Variants in METTL15 observed in about 807,000 individuals in gnomAD.
METTL15 encodes methyltransferase 15, mitochondrial 12S rRNA N4-cytidine.
In METTL15, 34 loss-of-function variants were observed where a neutral mutation model predicts 38.3. The ratio of observed to expected loss-of-function variants is 0.89; its 90% CI spans 0.68 to 1.18. METTL15 has a LOEUF of 1.18. METTL15 is among the 50% of genes most tolerant of loss of function. METTL15 has a pLI of 0.00. For synonymous variants in METTL15, 162 were observed against 170.9 expected (o/e 0.95, Z 0.41); for missense variants, 438 against 498.4 (o/e 0.88, Z 1.15).
chr11:28,513,978 G>A (rs1476101605), intron 6 of METTL15, among the ~76,000 whole-genome samples: 2 of 152,204 alleles, frequency 1.3e-5, no homozygotes, highest in African/African-American at 4.8e-5. Context: ...CCAGTTTATG[G>A]CCAGATTTTG....
chr11:28,368,186 A>C (rs1008986663), intron 5 of METTL15, among the ~76,000 whole-genome samples: 2 of 151,740 alleles, frequency 1.3e-5, no homozygotes, highest in African/African-American at 4.8e-5. Context: ...CAGAAAAAAA[A>C]ACACAACTAA....
chr11:28,225,960 A>G (rs1853460628), intron 4 of METTL15, among the ~76,000 whole-genome samples: 1 of 151,834 alleles, frequency 6.6e-6, no homozygotes, highest in East Asian at 1.9e-4. Context: ...TTTATTTTCT[A>G]CAGTGTTGTT....
At chr11:28,480,943 A>G (rs1232535853) in intron 6 of METTL15, among the ~76,000 whole-genome samples, 1 of 152,184 alleles carries the variant, frequency 6.6e-6, no homozygotes, top group African/African-American at 2.4e-5. Context: ...ACAAAAAAGG[A>G]GTCATAGCAT....
At chr11:28,506,669 T>C (rs948996969) in intron 6 of METTL15, among the ~76,000 whole-genome samples, 21 of 152,098 alleles carry the variant, frequency 1.4e-4, no homozygotes, top group Non-Finnish European at 1.5e-5. Flanking sequence ...TGTATCCCTT[T>C]TGCTGTGTTC....
intron 3 of METTL15, among the ~76,000 whole-genome samples, chr11:28,150,862 C>T (rs1052283744): frequency 6.6e-6 from 1 of 151,668 alleles, no homozygotes; most frequent in Non-Finnish European, 1.5e-5. Flanking sequence ...CTGTTCCAGC[C>T]TGTGCTGAAA....
downstream of METTL15, among the ~76,000 whole-genome samples, chr11:28,334,110 C>T (rs10835310): frequency 0.46 from 70,108 of 151,578 alleles, 17,748 homozygotes; most frequent in Admixed American, 0.56. Flanking sequence ...TATATATGTA[C>T]TCAAGCGTAT....
intron 5 of METTL15, among the ~76,000 whole-genome samples, chr11:28,365,546 A>C (rs1850177307): frequency 6.6e-6 from 1 of 151,950 alleles, no homozygotes; most frequent in African/African-American, 2.4e-5. Context: ...GATTGCATTT[A>C]TTTGAATCTT....
rs911608177 is a variant in METTL15, at chr11:28,206,201, G to A, written c.271-4861G>A. Among the ~76,000 whole-genome samples the A allele has an allele frequency of 2.0e-3, 296 of 151,600 alleles. 5 individuals carry two copies. Among genetic ancestry groups the A allele is most frequent in the African/African-American group, 7.0e-3 (287 of 41,122 alleles). Reference sequence around the variant, plus strand: ...CTTAGCCATGCCTATGTCCTAAATGGTAATGCCTAGGTTTTCTTCTAGGGT... The same window carrying A: ...CTTAGCCATGCCTATGTCCTAAATGATAATGCCTAGGTTTTCTTCTAGGGT... On this transcript the variant is annotated intron_variant, in intron 3 of 6. Coordinates refer to ENST00000407364, the MANE Select transcript of METTL15 (RefSeq NM_001113528.2).
chr11:28,420,951 A>G (rs552356500), intron 5 of METTL15, among the ~76,000 whole-genome samples: 32 of 152,208 alleles, frequency 2.1e-4, no homozygotes, highest in Admixed American at 2.0e-3. Flanking sequence ...AACAAAATTG[A>G]CAACCTTTTA....
intron 3 of METTL15, among the ~76,000 whole-genome samples, chr11:28,159,677 C>T (rs139632127): frequency 0.015 from 2,353 of 152,250 alleles, 60 homozygotes; most frequent in African/African-American, 0.053. Flanking sequence ...TCTCCTTTAT[C>T]ATGTGACATA....
chr11:28,473,884 C>T (rs897796701), intron 6 of METTL15, among the ~76,000 whole-genome samples: 5 of 151,904 alleles, frequency 3.3e-5, no homozygotes, highest in African/African-American at 1.2e-4. Flanking sequence ...AGGGCCCAAC[C>T]TCTTTGCACC....
At chr11:28,441,270 G>A (rs2133440635) in intron 6 of METTL15, among the ~76,000 whole-genome samples, 1 of 151,832 alleles carries the variant, frequency 6.6e-6, no homozygotes. Context: ...GTAGAGACAG[G>A]GTTTCACCAT....
chr11:28,194,148 C>A (rs973749187), intron 3 of METTL15, among the ~76,000 whole-genome samples: 2 of 113,552 alleles, frequency 1.8e-5, no homozygotes, highest in Admixed American at 2.0e-4. Context: ...TTCTTTCTTT[C>A]TTTCTTTCTT....
chr11:28,390,519 G>A (rs1250217481), intron 5 of METTL15, among the ~76,000 whole-genome samples: 1 of 152,258 alleles, frequency 6.6e-6, no homozygotes, highest in South Asian at 2.1e-4. Context: ...TCTCAGGTTT[G>A]TCAAAGATCA....
intron 4 of METTL15, among the ~76,000 whole-genome samples, chr11:28,233,217 C>T (rs1196573440): frequency 1.3e-5 from 2 of 151,706 alleles, no homozygotes; most frequent in African/African-American, 4.8e-5. Context: ...CCTTTGTACT[C>T]AATTGTTAGG....
intron 4 of METTL15, among the ~76,000 whole-genome samples, chr11:28,262,925 A>G (rs1290781708): frequency 6.6e-6 from 1 of 152,144 alleles, no homozygotes; most frequent in Non-Finnish European, 1.5e-5. Flanking sequence ...AAACTAATGT[A>G]CAATGTTTTT....
chr11:28,489,592 G>A (rs1191302607), intron 6 of METTL15, among the ~76,000 whole-genome samples: 2 of 152,060 alleles, frequency 1.3e-5, no homozygotes, highest in East Asian at 3.9e-4. Context: ...GGGAGACTGA[G>A]TGCTATGGAA....
intron 6 of METTL15, among the ~76,000 whole-genome samples, chr11:28,500,803 G>A (rs192337423): frequency 1.2e-4 from 19 of 152,278 alleles, no homozygotes; most frequent in East Asian, 3.9e-4. Flanking sequence ...AATTACAGGC[G>A]TGAGCCACTG....
chr11:28,276,651 C>G (rs1248345298), intron 4 of METTL15, among the ~76,000 whole-genome samples: 1 of 152,062 alleles, frequency 6.6e-6, no homozygotes, highest in African/African-American at 2.4e-5. Flanking sequence ...GCAAAAGGAA[C>G]AAAGTTAGAG....
Sources: gnomAD v4.1 joint callset for allele counts (sites outside exome capture counted in the v4.1 genomes callset) on GRCh38, gnomAD v4.1.1 for gene constraint, MANE v1.5 for transcripts, NCBI Gene and HGNC (gene_info 2026-07-23, HGNC 2026-07-21) for gene names.